LRRIQ1: variants seen among roughly 807,000 people sequenced by gnomAD.
LRRIQ1 encodes the protein leucine-rich repeat- and IQ domain-containing protein 1.
A neutral mutation model predicts 211.9 loss-of-function variants in LRRIQ1; 210 were observed. The observed-to-expected ratio is 0.99, with a 90% CI of 0.89 to 1.11. The LOEUF (loss-of-function observed/expected upper bound fraction) is 1.11, where lower values mean the gene tolerates loss of function less well. LRRIQ1 is among the 50% of genes most tolerant of loss of function. LRRIQ1 has a pLI of 0.00. For missense variants in LRRIQ1, 2,136 were observed against 1,939.5 expected, an observed-to-expected ratio of 1.10 and a Z score of -1.90; for synonymous variants, 699 against 650.1, an observed-to-expected ratio of 1.08 and a Z score of -1.14.
At chr12:85,220,098 C>T (rs1447573920) in intron 24 of LRRIQ1, among the ~76,000 whole-genome samples, 1 of 152,060 alleles carries the variant, frequency 6.6e-6, no homozygotes, top group African/African-American at 2.4e-5. Context: ...ACATAAGATA[C>T]ATAGAATCAG....
intron 3 of LRRIQ1, among the ~76,000 whole-genome samples, chr12:85,042,852 C>T (rs914866405): frequency 5.9e-5 from 9 of 151,900 alleles, no homozygotes; most frequent in African/African-American, 1.4e-4. Flanking sequence ...TTTCTAAAAG[C>T]TATATATTTC....
chr12:85,056,248 A>C lies in LRRIQ1; in HGVS notation c.1455A>C (p.Glu485Asp). 1 of 1,573,316 alleles carries C rather than the reference A, an allele frequency of 6.4e-7. No homozygotes were observed. The highest frequency in any genetic ancestry group is 8.6e-7 in the Non-Finnish European group (1 of 1,169,450). The change falls in exon 8 of 27, where the codon GAA becomes GAC. Residue 485 changes from glutamate to aspartate, a missense_variant. Coordinates refer to ENST00000393217, the MANE Select transcript of LRRIQ1 (RefSeq NM_001079910.2). ...LADFKMEEKN[E>D]NLAKKRCSEE... ...ATTTTAAAATGGAAGAAAAAAATGA[A>C]AACCTAGCAAAAAAACGATGTTCAG...
At chr12:85,090,660 ACCC>A (rs1484548082) in intron 11 of LRRIQ1, among the ~76,000 whole-genome samples, 1 of 152,196 alleles carries the variant, frequency 6.6e-6, no homozygotes, top group African/African-American at 2.4e-5. Flanking sequence ...TGTAGTGTTT[ACCC>A]AGTTCTGATA....
chr12:85,149,306 C>A (rs186539614), intron 19 of LRRIQ1, among the ~76,000 whole-genome samples: 118 of 152,016 alleles, frequency 7.8e-4, no homozygotes, highest in African/African-American at 2.4e-3. Context: ...CGTCTTTAAT[C>A]CAGCTTGAGT....
chr12:85,105,386 T>A (rs1886697499), intron 14 of LRRIQ1, among the ~76,000 whole-genome samples: 1 of 152,164 alleles, frequency 6.6e-6, no homozygotes, highest in Admixed American at 6.5e-5. Context: ...AAGTAGAGGT[T>A]GAGTTCATTT....
chr12:85,069,325 T>C (rs1882812710), intron 10 of LRRIQ1, among the ~76,000 whole-genome samples: 1 of 152,108 alleles, frequency 6.6e-6, no homozygotes, highest in Non-Finnish European at 1.5e-5. Flanking sequence ...CACATTTTCT[T>C]AATCCAGTCT....
At chr12:85,256,025 A>G (rs1184417269) in intron 1 of LRRIQ1, among the ~76,000 whole-genome samples, 2 of 151,706 alleles carry the variant, frequency 1.3e-5, no homozygotes, top group East Asian at 3.9e-4. Flanking sequence ...ATCCTAAGTA[A>G]CAACATTCTA....
intron 24 of LRRIQ1, among the ~76,000 whole-genome samples, chr12:85,215,223 T>A (rs1056506423): frequency 2.0e-5 from 3 of 152,140 alleles, no homozygotes; most frequent in Admixed American, 1.3e-4. Context: ...TAATTTGGGG[T>A]AACCATTTGA....
At chr12:85,226,708 G>A (rs1212767188) in intron 24 of LRRIQ1, among the ~76,000 whole-genome samples, 1 of 123,914 alleles carries the variant, frequency 8.1e-6, no homozygotes, top group African/African-American at 3.3e-5. Flanking sequence ...AGGCCCCGGT[G>A]TGTGATATTC....
chr12:85,271,507 A>G, the LRRIQ1 span, among the ~76,000 whole-genome samples: 1 of 152,106 alleles, frequency 6.6e-6, no homozygotes, highest in Non-Finnish European at 1.5e-5. Flanking sequence ...TGCCTCAGCC[A>G]CAGTACACAA....
At chr12:85,075,654 C>T (rs1883566092) in intron 11 of LRRIQ1, among the ~76,000 whole-genome samples, 1 of 152,018 alleles carries the variant, frequency 6.6e-6, no homozygotes, top group African/African-American at 2.4e-5. Context: ...CAGCAGGCCC[C>T]ACCTCCAGCA....
intron 23 of LRRIQ1, among the ~76,000 whole-genome samples, chr12:85,158,071 A>G (rs1385862577): frequency 6.6e-6 from 1 of 151,936 alleles, no homozygotes; most frequent in South Asian, 2.1e-4. Context: ...GAAAGATTTT[A>G]CAAGAATTTT....
chr12:85,150,353 G>T (rs1555216436), intron 19 of LRRIQ1, among the ~76,000 whole-genome samples: 1 of 151,256 alleles, frequency 6.6e-6, no homozygotes, highest in Non-Finnish European at 1.5e-5. Context: ...TCATTGAAAA[G>T]AAAAAACAAA....
In LRRIQ1 at chr12:85,232,727, G is replaced by A. The variant is rs762995763; in HGVS notation, c.4987G>A (p.Val1663Ile). ...CTTTTTGCCTGAGTTAGATCCAGATGTACTTAATGGTGGAAGAGTTCAGCT... is the reference window on the plus strand; with the variant it reads ...CTTTTTGCCTGAGTTAGATCCAGATATACTTAATGGTGGAAGAGTTCAGCT... ...NHFLPELDPDVLNGGRVQLVA... is the reference protein window; with the variant it reads ...NHFLPELDPDILNGGRVQLVA... Residue 1663 changes from valine (V) to isoleucine (I), a missense_variant, in exon 26 of 27, where the codon GTA (valine) becomes ATA (isoleucine). Transcript: ENST00000393217. 2 of 1,612,824 alleles carry A rather than the reference G, an allele frequency of 1.2e-6. No homozygotes were observed. Among genetic ancestry groups the A allele is most frequent in the Non-Finnish European group, 1.7e-6 (2 of 1,179,268 alleles).
At chr12:85,092,939 A>G (rs1885537449) in intron 11 of LRRIQ1, among the ~76,000 whole-genome samples, 3 of 152,288 alleles carry the variant, frequency 2.0e-5, no homozygotes, top group South Asian at 4.1e-4. Flanking sequence ...AAGATGACAC[A>G]TGTTCCTCTT....
rs1400137989 is a variant in LRRIQ1, at chr12:85,160,622, T to A, written c.4730T>A (p.Val1577Glu). 6.2e-7 allele frequency: 1 copy of A among 1,601,846 alleles called. No homozygotes were observed. ...KKLKKKIDST[V>E]RLALFKNNEN... ...TATTCGTTTTGTTTAGATTCCACTG[T>A]GCGTCTAGCCTTATTCAAAAACAAT... is the stretch of plus-strand genomic sequence containing the variant. Residue 1577 changes from valine to glutamate, a missense_variant, in exon 24 of 27, where the codon GTG becomes GAG. Coordinates refer to ENST00000393217, the MANE Select transcript of LRRIQ1 (RefSeq NM_001079910.2).
rs143002006 is a variant in LRRIQ1 at position 85,234,633 on chromosome 12, G to C, written c.5016+1877G>C. Among the ~76,000 whole-genome samples, 267 of 152,182 alleles carry C rather than the reference G, an allele frequency of 1.8e-3. 2 individuals are homozygous for C. Among genetic ancestry groups the C allele is most frequent in the African/African-American group, 6.1e-3 (253 of 41,536 alleles). On this transcript the variant is annotated intron_variant, in intron 26 of 26. Transcript: ENST00000393217. ...GCACCCCACTTGCCCACTTGTGCCA[G>C]GGAACTGGAGGCAGATAATTACACA...
chr12:85,210,490 C>G (rs987788437), intron 24 of LRRIQ1, among the ~76,000 whole-genome samples: 1 of 152,028 alleles, frequency 6.6e-6, no homozygotes, highest in Non-Finnish European at 1.5e-5. Context: ...ATGTAAATGT[C>G]TTGGTTTAGC....
At chr12:85,165,268 G>A (rs896207392) in intron 24 of LRRIQ1, among the ~76,000 whole-genome samples, 3 of 151,858 alleles carry the variant, frequency 2.0e-5, no homozygotes, top group South Asian at 2.1e-4. Flanking sequence ...AACAGGTACC[G>A]TTTTTCAGCC....
Sources: gnomAD v4.1 joint callset for allele counts (sites outside exome capture counted in the v4.1 genomes callset) on GRCh38, gnomAD v4.1.1 for gene constraint, MANE v1.5 for transcripts, NCBI Gene and HGNC (gene_info 2026-07-23, HGNC 2026-07-21) for gene names.